RAF1: variants seen among roughly 807,000 people sequenced by gnomAD.
RAF1 encodes RAF proto-oncogene serine/threonine-protein kinase.
A neutral mutation model predicts 81.1 loss-of-function variants in RAF1; 27 were observed. The ratio of observed to expected loss-of-function variants is 0.33; its 90% CI spans 0.25 to 0.46. The LOEUF (loss-of-function observed/expected upper bound fraction) is 0.46, where lower values mean the gene tolerates loss of function less well. Among genes scored for constraint, RAF1 ranks in the 20% least tolerant of loss-of-function variants. The pLI, the probability that RAF1 is intolerant of heterozygous loss-of-function variation, is 1.00. For synonymous variants in RAF1, 298 were observed against 294.0 expected (o/e 1.01, Z -0.14); for missense variants, 598 against 826.0 (o/e 0.72, Z 3.38).
chr3:12,655,368 G>A (rs938272444), intron 1 of RAF1, among the ~76,000 whole-genome samples: 2 of 152,206 alleles, frequency 1.3e-5, no homozygotes, highest in Non-Finnish European at 2.9e-5. Flanking sequence ...TTACAGGCAT[G>A]AGCCACCGTG....
chr3:12,614,751 A>C (rs1033510410), intron 2 of RAF1, among the ~76,000 whole-genome samples: 1 of 152,148 alleles, frequency 6.6e-6, no homozygotes, highest in African/African-American at 2.4e-5. Context: ...ATGTTCCAAA[A>C]TAAGTTTATT....
At chr3:12,613,421 C>G (rs1445082809) in intron 2 of RAF1, among the ~76,000 whole-genome samples, 2 of 136,532 alleles carry the variant, frequency 1.5e-5, no homozygotes. Context: ...ACCCCGCCAT[C>G]CCCCCCCACA....
chr3:12,584,815 T>G (rs758019705), intron 17 of RAF1, 32 bp downstream of exon 16: 5 of 1,613,988 alleles, frequency 3.1e-6, no homozygotes, highest in Non-Finnish European at 4.2e-6. Context: ...CAACCCATGC[T>G]TTAATCACAT....
intron 8 of RAF1, among the ~76,000 whole-genome samples, chr3:12,600,866 A>G (rs180802031): frequency 2.0e-5 from 3 of 152,348 alleles, no homozygotes; most frequent in Non-Finnish European, 4.4e-5. Flanking sequence ...CAAGCCTGGT[A>G]TTAGTTTTTC....
At chr3:12,590,583 C>T (rs1347981561) in intron 13 of RAF1, 4 of 581,836 alleles carry the variant, frequency 6.9e-6, no homozygotes, top group Non-Finnish European at 1.2e-5. Flanking sequence ...GCCTTGGCCT[C>T]CCAAAGTGCT....
intron 11 of RAF1, among the ~76,000 whole-genome samples, chr3:12,596,295 G>A (rs1198351154): frequency 6.6e-6 from 1 of 151,138 alleles, no homozygotes; most frequent in Non-Finnish European, 1.5e-5. Context: ...CTGGGTTCAA[G>A]CAATTCTCCT....
intron 1 of RAF1, among the ~76,000 whole-genome samples, chr3:12,625,754 C>T (rs562499303): frequency 6.6e-6 from 1 of 152,150 alleles, no homozygotes; most frequent in African/African-American, 2.4e-5. Context: ...GCCAGGAGTT[C>T]GAGGCTGTAG....
intron 1 of RAF1, among the ~76,000 whole-genome samples, chr3:12,655,000 A>C (rs867238504): frequency 8.7e-4 from 112 of 128,092 alleles, no homozygotes; most frequent in East Asian, 1.5e-3. Flanking sequence ...ACATAGTGAG[A>C]CCCCCCCCCC....
chr3:12,658,980 TTAAC>T (rs2060787230), intron 1 of RAF1, among the ~76,000 whole-genome samples: 1 of 152,098 alleles, frequency 6.6e-6, no homozygotes, highest in African/African-American at 2.4e-5. Context: ...AGATGTGAAA[TTAAC>T]TAAAATCATT....
intron 1 of RAF1, among the ~76,000 whole-genome samples, chr3:12,641,202 G>A (rs1406813526): frequency 3.7e-5 from 5 of 136,328 alleles, no homozygotes; most frequent in Admixed American, 1.5e-4. Flanking sequence ...ATCACACACC[G>A]GGGCCTGTCA....
At chr3:12,599,289 A>C in intron 11 of RAF1, 1 of 205,296 alleles carries the variant, frequency 4.9e-6, no homozygotes. Context: ...TAACTGCATG[A>C]CCATGGGCAA....
chr3:12,643,039 CTCCTATTCT>C (rs2060241896), intron 1 of RAF1, among the ~76,000 whole-genome samples: 1 of 152,106 alleles, frequency 6.6e-6, no homozygotes, highest in South Asian at 2.1e-4. Flanking sequence ...TGGTTTTCAT[CTCCTATTCT>C]TTCAAGAAGT....
chr3:12,659,003 C>A (rs746252312), intron 1 of RAF1, among the ~76,000 whole-genome samples: 1 of 152,062 alleles, frequency 6.6e-6, no homozygotes, highest in Non-Finnish European at 1.5e-5. Flanking sequence ...TTTAGAGCTA[C>A]GCAAGTCATT....
intron 11 of RAF1, among the ~76,000 whole-genome samples, chr3:12,597,976 C>T (rs1485829396): frequency 2.0e-5 from 3 of 146,914 alleles, no homozygotes; most frequent in Admixed American, 7.1e-5. Context: ...CAGGAGACAG[C>T]CCAGTAGTAC....
chr3:12,595,879 C>CT (rs35282213), intron 11 of RAF1, among the ~76,000 whole-genome samples: 56,500 of 144,798 alleles, frequency 0.39, 11,206 homozygotes, highest in African/African-American at 0.42. Flanking sequence ...CCTTAAGTTT[C>CT]TTTTTTTTTT....
intron 1 of RAF1, among the ~76,000 whole-genome samples, chr3:12,657,000 GGA>G (rs1491272910): frequency 2.9e-5 from 4 of 138,968 alleles, no homozygotes; most frequent in Non-Finnish European, 3.1e-5. Context: ...TCCATCTCGG[GGA>G]AAAAAAAAAA....
chr3:12,637,067 G>A (rs2060053808), intron 1 of RAF1, among the ~76,000 whole-genome samples: 1 of 152,104 alleles, frequency 6.6e-6, no homozygotes, highest in South Asian at 2.1e-4. Context: ...ACCTAATTTA[G>A]AGTCCGGCAT....
intron 11 of RAF1, among the ~76,000 whole-genome samples, chr3:12,597,108 C>T (rs767168800): frequency 7.2e-5 from 11 of 152,062 alleles, no homozygotes; most frequent in Non-Finnish European, 1.5e-4. Context: ...CCGTGTTAGC[C>T]AGGATGGTCT....
At chr3:12,642,557 C>T (rs1477326013) in intron 1 of RAF1, among the ~76,000 whole-genome samples, 1 of 151,236 alleles carries the variant, frequency 6.6e-6, no homozygotes, top group East Asian at 1.9e-4. Flanking sequence ...AGATAAATAA[C>T]ACTTCTCCCA....
Sources: gnomAD v4.1 joint callset for allele counts (sites outside exome capture counted in the v4.1 genomes callset) on GRCh38, gnomAD v4.1.1 for gene constraint, MANE v1.5 for transcripts, NCBI Gene and HGNC (gene_info 2026-07-23, HGNC 2026-07-21) for gene names.